UBL3: variants seen among roughly 807,000 people sequenced by gnomAD.
UBL3 encodes the protein ubiquitin-like protein 3.
Under a neutral mutation model 18.4 loss-of-function variants are expected in UBL3, and 6 were observed. That is an observed-to-expected ratio of 0.33 (90% confidence interval 0.18 to 0.64). The LOEUF is 0.64. UBL3 is among the 30% of genes least tolerant of loss of function. The pLI is 0.76. For synonymous variants in UBL3, 49 were observed against 46.6 expected (o/e 1.05, Z -0.21); for missense variants, 109 against 142.9 (o/e 0.76, Z 1.21).
intron 3 of UBL3, among the ~76,000 whole-genome samples, chr13:29,769,306 A>G (rs1449895698): frequency 6.6e-6 from 1 of 152,108 alleles, no homozygotes; most frequent in African/African-American, 2.4e-5. Flanking sequence ...CGTGGGAGCT[A>G]TTATTTTTCT....
At chr13:29,792,733 T>C (rs1877513619) in intron 1 of UBL3, among the ~76,000 whole-genome samples, 1 of 152,198 alleles carries the variant, frequency 6.6e-6, no homozygotes, top group Non-Finnish European at 1.5e-5. Context: ...GTTTTATTAA[T>C]AGTTATTAAT....
chr13:29,804,833 T>G (rs1877861045), intron 1 of UBL3, among the ~76,000 whole-genome samples: 1 of 152,194 alleles, frequency 6.6e-6, no homozygotes, highest in Non-Finnish European at 1.5e-5. Context: ...CTTTTCACAT[T>G]TTTCCAAATT....
chr13:29,819,906 C>A (rs1187560842), intron 1 of UBL3, among the ~76,000 whole-genome samples: 1 of 152,050 alleles, frequency 6.6e-6, no homozygotes, highest in Non-Finnish European at 1.5e-5. Context: ...AATCCCTACC[C>A]CCAAAACTTT....
intron 1 of UBL3, among the ~76,000 whole-genome samples, chr13:29,796,578 C>T (rs145821911): frequency 4.6e-5 from 7 of 152,106 alleles, no homozygotes; most frequent in African/African-American, 1.4e-4. Context: ...TCCTAAAAAT[C>T]CCAAGCAAAA....
chr13:29,784,908 A>G (rs1049588445), intron 1 of UBL3, among the ~76,000 whole-genome samples: 3 of 152,096 alleles, frequency 2.0e-5, no homozygotes, highest in South Asian at 2.1e-4. Flanking sequence ...GAATTTTATC[A>G]TTACCAATTT....
chr13:29,835,125 AAT>A (rs59643985), intron 1 of UBL3, among the ~76,000 whole-genome samples: 16 of 23,428 alleles, frequency 6.8e-4, no homozygotes, highest in South Asian at 1.7e-3. Context: ...TATATATATA[AAT>A]ATATATATAT....
chr13:29,780,406 G>GTGTGTA lies in UBL3; in HGVS notation c.28-3144_28-3143insTACACA, dbSNP rs1555232310. ...TATATATATATGTGTGTGTGTGTGT[G>GTGTGTA]TATATATATATAATAAGTTATATAT... On this transcript the variant is annotated intron_variant, in intron 1 of 4. Coordinates refer to ENST00000380680, the MANE Select transcript of UBL3 (RefSeq NM_007106.4). Among the ~76,000 whole-genome samples, 12 of 133,926 alleles carry GTGTGTA rather than the reference G, an allele frequency of 9.0e-5. No homozygotes were observed. The East Asian group carries it at 1.7e-3, about 19-fold the overall frequency. 87.9% of individuals were successfully genotyped at this position (133,926 alleles called of 152,430 possible).
chr13:29,829,913 CTTAAA>C (rs375417113), intron 1 of UBL3, among the ~76,000 whole-genome samples: 89 of 152,236 alleles, frequency 5.8e-4, no homozygotes, highest in African/African-American at 2.1e-3. Flanking sequence ...ACTCTTCTAG[CTTAAA>C]TTAATCATCT....
rs1809323634 is a variant in UBL3, at chr13:29,849,659, C to A, written c.-121G>T. 1 of 1,334,738 alleles carries A rather than the reference C, an allele frequency of 7.5e-7. No individual in the cohort carries two copies. The highest frequency in any genetic ancestry group is 1.2e-5 in the South Asian group (1 of 81,876). 82.7% of individuals were successfully genotyped at this position (1,334,738 alleles called of 1,614,324 possible). Reference sequence around the variant, plus strand: ...ACTGGTTCGTGATGTGCTTTCTCCCCCAAAAATAAAGTTATTTTGGAGCCA... The same window carrying A: ...ACTGGTTCGTGATGTGCTTTCTCCCACAAAAATAAAGTTATTTTGGAGCCA... On this transcript the variant is annotated 5_prime_UTR_variant, in exon 1 of 5. Coordinates refer to ENST00000380680, the MANE Select transcript of UBL3 (RefSeq NM_007106.4).
At chr13:29,807,671 T>C (rs1313683856) in intron 1 of UBL3, among the ~76,000 whole-genome samples, 16 of 152,112 alleles carry the variant, frequency 1.1e-4, no homozygotes, top group Admixed American at 1.0e-3. Context: ...CTTAATAGCA[T>C]CACTGTTCAG....
chr13:29,787,486 A>G (rs1378385243), intron 1 of UBL3, among the ~76,000 whole-genome samples: 2 of 152,204 alleles, frequency 1.3e-5, no homozygotes, highest in Non-Finnish European at 2.9e-5. Context: ...CTTGCAAATT[A>G]TTGTTAAAAT....
chr13:29,780,367 A>AAAAATAT (rs1359464345), intron 1 of UBL3, among the ~76,000 whole-genome samples: 2 of 103,336 alleles, frequency 1.9e-5, no homozygotes, highest in African/African-American at 4.0e-5. Context: ...AAAAAAAAAA[A>AAAAATAT]ATATATATAT....
At chr13:29,833,925 C>T (rs186869104) in intron 1 of UBL3, among the ~76,000 whole-genome samples, 11 of 152,294 alleles carry the variant, frequency 7.2e-5, no homozygotes, top group Admixed American at 5.2e-4. Context: ...CAGTGGCTCA[C>T]GCCTGTAATC....
At chr13:29,817,539 C>T (rs1351163158) in intron 1 of UBL3, among the ~76,000 whole-genome samples, 1 of 152,002 alleles carries the variant, frequency 6.6e-6, no homozygotes, top group African/African-American at 2.4e-5. Context: ...AGACCAGAGG[C>T]AAAATAGCTG....
At chr13:29,768,018 T>C (rs1308863202) in intron 3 of UBL3, among the ~76,000 whole-genome samples, 1 of 152,082 alleles carries the variant, frequency 6.6e-6, no homozygotes, top group Admixed American at 6.6e-5. Flanking sequence ...AAAAGAATAC[T>C]CTTTTCTATA....
At chr13:29,772,303 G>A in intron 2 of UBL3, 105 bp from the exon 3 acceptor site, 2 of 804,530 alleles carry the variant, frequency 2.5e-6, no homozygotes, top group Non-Finnish European at 3.8e-6. Flanking sequence ...GTACAAAGAA[G>A]GCCCTTGGAG....
chr13:29,791,709 A>G (rs1877483903), intron 1 of UBL3, among the ~76,000 whole-genome samples: 1 of 152,146 alleles, frequency 6.6e-6, no homozygotes, highest in Non-Finnish European at 1.5e-5. Flanking sequence ...CTGTCACCAT[A>G]GGGTCCATGC....
At chr13:29,813,165 G>A (rs1221895973) in intron 1 of UBL3, among the ~76,000 whole-genome samples, 2 of 151,954 alleles carry the variant, frequency 1.3e-5, no homozygotes, top group Non-Finnish European at 2.9e-5. Flanking sequence ...CTAAGCAATT[G>A]CTATAGTTTT....
intron 1 of UBL3, among the ~76,000 whole-genome samples, chr13:29,816,983 C>T (rs951364263): frequency 1.3e-5 from 2 of 152,096 alleles, no homozygotes; most frequent in Non-Finnish European, 2.9e-5. Context: ...ATGTGAGACG[C>T]AAAAGTTATC....
Sources: allele counts gnomAD v4.1 joint callset (sites outside exome capture counted in the v4.1 genomes callset), GRCh38; gene constraint gnomAD v4.1.1; transcripts MANE v1.5; gene names NCBI Gene and HGNC (gene_info 2026-07-23, HGNC 2026-07-21).